VAC14: variants seen among roughly 807,000 people sequenced by gnomAD.
The protein encoded by VAC14 is protein VAC14 homolog.
A neutral mutation model predicts 85.3 loss-of-function variants in VAC14; 47 were observed. That is an observed-to-expected ratio of 0.55 (90% CI 0.44 to 0.70). The LOEUF is 0.70. Among genes scored for constraint, VAC14 ranks in the 30% least tolerant of loss-of-function variants. The probability of loss-of-function intolerance (pLI) is 0.00; values close to 1 mark genes in which losing one functional copy is unlikely to be tolerated. For missense variants in VAC14, 861 were observed against 1,004.3 expected (o/e 0.86, Z 1.93); for synonymous variants, 447 against 430.5 (o/e 1.04, Z -0.47).
At chr16:70,714,695 G>A (rs765294820) in intron 14 of VAC14, 1 of 152,242 alleles carries the variant, frequency 6.6e-6, no homozygotes, top group African/African-American at 2.4e-5. Context: ...CTGCGGTGTC[G>A]AGATGGTTTT....
intron 14 of VAC14, among the ~76,000 whole-genome samples, chr16:70,720,525 G>C (rs1240385532): frequency 6.6e-6 from 1 of 152,214 alleles, no homozygotes; most frequent in African/African-American, 2.4e-5. Flanking sequence ...CTCGGGCACG[G>C]TGGAGCTTCC....
In VAC14 at chr16:70,784,237, A is replaced by G; in HGVS notation, c.487-17T>C. On this transcript the variant is annotated splice_polypyrimidine_tract_variant and intron_variant, in intron 4 of 18. Coordinates refer to ENST00000261776, the MANE Select transcript of VAC14 (RefSeq NM_018052.5). ...CACAATGTCCTGTGGATCAGAGGAA[A>G]GTGAGCTGCCGAGAGCCCGAGACCA... The G allele has an allele frequency of 1.2e-6, 2 of 1,610,460 alleles. No individual in the cohort carries two copies. The highest frequency in any genetic ancestry group is 1.7e-6 in the Non-Finnish European group (2 of 1,176,838).
intron 10 of VAC14, among the ~76,000 whole-genome samples, chr16:70,764,203 G>C (rs552483963): frequency 6.6e-6 from 1 of 152,306 alleles, no homozygotes; most frequent in Admixed American, 6.5e-5. Context: ...TAATTGCTGA[G>C]AGGAATTGCT....
At chr16:70,767,164 A>G (rs886344917) in intron 10 of VAC14, among the ~76,000 whole-genome samples, 1 of 152,180 alleles carries the variant, frequency 6.6e-6, no homozygotes, top group Non-Finnish European at 1.5e-5. Context: ...CGCGTACTAC[A>G]GTTTCCAAAT....
chr16:70,704,678 C>T (rs144485599), intron 14 of VAC14, among the ~76,000 whole-genome samples: 6 of 152,068 alleles, frequency 3.9e-5, no homozygotes, highest in African/African-American at 9.6e-5. Context: ...ACAGACTCAT[C>T]GTGGGAGCCT....
chr16:70,768,028 G>C (rs2032945867), intron 10 of VAC14, among the ~76,000 whole-genome samples: 1 of 152,098 alleles, frequency 6.6e-6, no homozygotes. Context: ...GGAACTACAG[G>C]AATGTGCCAC....
chr16:70,792,986 C>G (rs1173496189), intron 1 of VAC14, among the ~76,000 whole-genome samples: 2 of 152,178 alleles, frequency 1.3e-5, no homozygotes, highest in Admixed American at 6.5e-5. Context: ...GGTCTGAACC[C>G]TTGACATCTA....
chr16:70,718,060 G>C (rs540221250), intron 14 of VAC14, among the ~76,000 whole-genome samples: 23 of 152,352 alleles, frequency 1.5e-4, no homozygotes, highest in African/African-American at 5.5e-4. Context: ...CTGAGCCCGA[G>C]GGAGCAGTTG....
chr16:70,756,104 G>A lies in VAC14; in HGVS notation c.1371+6436C>T, dbSNP rs192666697. On this transcript the variant is annotated intron_variant, in intron 12 of 18. Transcript: ENST00000261776. The stretch of plus-strand genomic sequence containing the variant: ...AAGGATAAGGTAAGGGAGTACATCT[G>A]TGGACCGGATGGCATGAGGCTGGAG... The A allele has an allele frequency of 5.5e-4, 253 of 456,798 alleles. 2 individuals carry two copies. Among genetic ancestry groups the A allele is most frequent in the African/African-American group, 3.1e-3 (157 of 50,224 alleles). 28.3% of individuals were successfully genotyped at this position (456,798 alleles called of 1,614,324 possible).
Position 70,788,740 on chromosome 16 carries a change from C to T in VAC14, c.105-2375G>A, listed in dbSNP as rs1223993045. Among the ~76,000 whole-genome samples, 7 of 152,206 alleles carry T rather than the reference C, an allele frequency of 4.6e-5. No individual in the cohort carries two copies. In the East Asian group the frequency reaches 1.2e-3, roughly 25 times the overall value. Reference sequence around the variant, plus strand: ...AATTCTCGCCTGCCATGCGGGCGGCCGGGCTTCGATTCCTGGCCAATGCAA... The same window carrying T: ...AATTCTCGCCTGCCATGCGGGCGGCTGGGCTTCGATTCCTGGCCAATGCAA... On this transcript the variant is annotated intron_variant, in intron 1 of 18. Transcript: ENST00000261776.
intron 12 of VAC14, chr16:70,761,110 A>G (rs750580360): frequency 6.7e-6 from 3 of 444,606 alleles, no homozygotes; most frequent in South Asian, 4.8e-5. Flanking sequence ...AAAACCTCAG[A>G]GGACCTAGAG....
intron 13 of VAC14, among the ~76,000 whole-genome samples, chr16:70,743,689 A>G (rs2030582790): frequency 1.3e-5 from 2 of 152,216 alleles, no homozygotes; most frequent in African/African-American, 2.4e-5. Context: ...ACCAGAAGGA[A>G]TAAATTCCGG....
intron 14 of VAC14, chr16:70,714,281 A>G (rs189012125): frequency 3.2e-4 from 48 of 152,354 alleles, no homozygotes; most frequent in African/African-American, 1.0e-3. Context: ...CAGGGGTAAG[A>G]TCATAGATGG....
In VAC14 at chr16:70,762,841, C is replaced by A; in HGVS notation, c.1305+40G>T. On this transcript the variant is annotated intron_variant, in intron 11 of 18. Coordinates refer to ENST00000261776, the MANE Select transcript of VAC14 (RefSeq NM_018052.5). The surrounding 1 kb of genome is among the most constrained non-coding windows in gnomAD (Gnocchi z 4.1). ...GCAGGCCCTGGAAAACCAAGGCGGA[C>A]CCAGAAGAGGCCCCTGGCTTGGAGG... 2 of 1,613,410 alleles carry A rather than the reference C, an allele frequency of 1.2e-6. No individual in the cohort carries two copies. The highest frequency in any genetic ancestry group is 4.5e-5 in the East Asian group (2 of 44,860).
intron 10 of VAC14, among the ~76,000 whole-genome samples, chr16:70,766,788 G>C (rs924287099): frequency 6.6e-6 from 1 of 152,196 alleles, no homozygotes; most frequent in African/African-American, 2.4e-5. Flanking sequence ...CAAGATCCCA[G>C]CTGCTGTCGG....
intron 14 of VAC14, among the ~76,000 whole-genome samples, chr16:70,725,120 C>A (rs1170802001): frequency 6.6e-6 from 1 of 152,260 alleles, no homozygotes; most frequent in African/African-American, 2.4e-5. Context: ...CACTCTAATT[C>A]GCCATCCATT....
intron 14 of VAC14, among the ~76,000 whole-genome samples, chr16:70,727,506 A>T (rs2054464194): frequency 6.6e-6 from 1 of 152,020 alleles, no homozygotes; most frequent in South Asian, 2.1e-4. Flanking sequence ...TGCCTGGCTA[A>T]TTTTTATATT....
chr16:70,713,538 G>A (rs532155255), intron 14 of VAC14, among the ~76,000 whole-genome samples: 4 of 152,298 alleles, frequency 2.6e-5, no homozygotes, highest in South Asian at 2.1e-4. Flanking sequence ...GGGAATGGAC[G>A]TGGAAGAGGG....
intron 1 of VAC14, among the ~76,000 whole-genome samples, chr16:70,798,826 C>T (rs1486608532): frequency 6.6e-6 from 1 of 152,116 alleles, no homozygotes; most frequent in African/African-American, 2.4e-5. Flanking sequence ...ATGTTATTTC[C>T]CCACCGAAAA....
Sources: gnomAD v4.1 joint callset for allele counts (sites outside exome capture counted in the v4.1 genomes callset) on GRCh38, gnomAD v4.1.1 for gene constraint, Gnocchi (gnomAD v3.1) non-coding constraint, MANE v1.5 for transcripts, NCBI Gene and HGNC (gene_info 2026-07-23, HGNC 2026-07-21) for gene names.